Variants in TENM2 observed in about 807,000 individuals in gnomAD.
The protein encoded by TENM2 is teneurin transmembrane protein 2.
TENM2 carries 52 observed loss-of-function variants against 245.2 expected under a neutral mutation model. That is an observed-to-expected ratio of 0.21 (90% CI 0.17 to 0.27). The LOEUF is 0.27. Ranked by LOEUF, TENM2 falls within the 10% of genes least tolerant of loss-of-function variation. The pLI, the probability that TENM2 is intolerant of heterozygous loss-of-function variation, is 1.00. For synonymous variants in TENM2, 1,363 were observed against 1,438.9 expected (o/e 0.95, Z 1.19); for missense variants, 3,046 against 3,666.8 (o/e 0.83, Z 4.37).
intron 25 of TENM2, among the ~76,000 whole-genome samples, chr5:168,238,204 A>G (rs1581728959): frequency 2.2e-5 from 1 of 44,734 alleles, no homozygotes; most frequent in South Asian, 1.2e-3. Flanking sequence ...GGAGGGAGGG[A>G]GGGAGGGAGG....
chr5:168,233,184 G>A (rs2152643368), intron 25 of TENM2, among the ~76,000 whole-genome samples: 2 of 152,262 alleles, frequency 1.3e-5, no homozygotes, highest in East Asian at 3.9e-4. Context: ...AAATCAGCTG[G>A]GTGTGGTGGC....
chr5:167,006,473 CTT>C, the TENM2 span, among the ~76,000 whole-genome samples: 1 of 152,014 alleles, frequency 6.6e-6, no homozygotes, highest in Non-Finnish European at 1.5e-5. Flanking sequence ...AAAGAAGAAA[CTT>C]TTAAAATCAG....
At chr5:167,295,721 G>C (rs75310830) in intron 1 of TENM2, among the ~76,000 whole-genome samples, 1 of 151,966 alleles carries the variant, frequency 6.6e-6, no homozygotes, top group Non-Finnish European at 1.5e-5. Context: ...GCGTGTACTC[G>C]AAATGAATAC....
At chr5:167,799,252 T>G (rs576986788) in intron 2 of TENM2, among the ~76,000 whole-genome samples, 22 of 152,220 alleles carry the variant, frequency 1.4e-4, no homozygotes, top group South Asian at 4.1e-4. Context: ...TACTTGAGAT[T>G]TTAAATGAAC....
chr5:167,036,704 G>A, the TENM2 span, among the ~76,000 whole-genome samples: 5 of 152,108 alleles, frequency 3.3e-5, no homozygotes, highest in African/African-American at 9.7e-5. Flanking sequence ...ACCAAATGAC[G>A]TTGGTGTTTA....
At chr5:168,189,921 A>AT (rs1369107277) in intron 13 of TENM2, among the ~76,000 whole-genome samples, 1 of 152,108 alleles carries the variant, frequency 6.6e-6, no homozygotes, top group South Asian at 2.1e-4. Context: ...AATTCCATGC[A>AT]TTTTGATTAC....
intron 1 of TENM2, among the ~76,000 whole-genome samples, chr5:167,338,868 AAGAG>A (rs900110468): frequency 2.6e-5 from 4 of 152,156 alleles, no homozygotes; most frequent in Non-Finnish European, 4.4e-5. Flanking sequence ...ACGTGACAGA[AAGAG>A]AGAGTTCTGG....
intron 2 of TENM2, among the ~76,000 whole-genome samples, chr5:167,861,326 G>C (rs1205293695): frequency 6.6e-6 from 1 of 152,196 alleles, no homozygotes; most frequent in African/African-American, 2.4e-5. Context: ...ACCACGGAGA[G>C]CGGTGCCGGG....
intron 2 of TENM2, among the ~76,000 whole-genome samples, chr5:167,382,809 A>G (rs1761169967): frequency 6.6e-6 from 1 of 152,146 alleles, no homozygotes. Context: ...TATTTTATGC[A>G]AGAAATAGAC....
At chr5:167,993,320 G>A (rs777464535) in intron 5 of TENM2, 138 bp downstream of exon 7, 1 of 657,810 alleles carries the variant, frequency 1.5e-6, no homozygotes. Flanking sequence ...AATGAGTGAT[G>A]GATGGAGGTG....
the TENM2 span, among the ~76,000 whole-genome samples, chr5:167,245,029 T>C: frequency 6.6e-6 from 1 of 152,188 alleles, no homozygotes; most frequent in Non-Finnish European, 1.5e-5. Context: ...ATAATCCTCA[T>C]CTAGCCCACT....
chr5:168,193,461 A>G (rs1273717911), intron 14 of TENM2, among the ~76,000 whole-genome samples: 1 of 152,262 alleles, frequency 6.6e-6, no homozygotes, highest in Non-Finnish European at 1.5e-5. Context: ...CATAAATAGA[A>G]ATGAACTGAT....
the TENM2 span, among the ~76,000 whole-genome samples, chr5:167,101,414 G>A: frequency 6.6e-6 from 1 of 152,082 alleles, no homozygotes; most frequent in African/African-American, 2.4e-5. Context: ...ATTATGGATG[G>A]TGCACAATAA....
At chr5:167,526,905 G>A (rs376767202) in intron 2 of TENM2, among the ~76,000 whole-genome samples, 1 of 152,096 alleles carries the variant, frequency 6.6e-6, no homozygotes, top group East Asian at 1.9e-4. Context: ...TGAAATATTC[G>A]TAGGTATATT....
At chr5:166,995,856 A>G in the TENM2 span, among the ~76,000 whole-genome samples, 1 of 149,982 alleles carries the variant, frequency 6.7e-6, no homozygotes, top group African/African-American at 2.5e-5. Flanking sequence ...CTGTTCTCTT[A>G]TAAATGAGGA....
At chr5:168,098,387 T>G (rs1793539993) in intron 9 of TENM2, among the ~76,000 whole-genome samples, 1 of 152,162 alleles carries the variant, frequency 6.6e-6, no homozygotes, top group African/African-American at 2.4e-5. Flanking sequence ...AAAAATGAGA[T>G]GGTCGGATTT....
chr5:167,096,161 G>A, the TENM2 span, among the ~76,000 whole-genome samples: 1 of 151,946 alleles, frequency 6.6e-6, no homozygotes, highest in Non-Finnish European at 1.5e-5. Flanking sequence ...ATATTTATGG[G>A]GTACAATGTG....
the TENM2 span, among the ~76,000 whole-genome samples, chr5:167,180,946 G>GAA: frequency 2.8e-5 from 4 of 144,304 alleles, no homozygotes; most frequent in African/African-American, 5.1e-5. Flanking sequence ...AGCTTTTATT[G>GAA]AAAAAAAAAA....
intron 2 of TENM2, among the ~76,000 whole-genome samples, chr5:167,614,521 T>A (rs962237936): frequency 2.0e-5 from 3 of 152,138 alleles, no homozygotes; most frequent in Admixed American, 2.0e-4. Context: ...ATAAGACAAG[T>A]GTAAAGTAGT....
Sources: gnomAD v4.1 joint callset for allele counts (sites outside exome capture counted in the v4.1 genomes callset) on GRCh38, gnomAD v4.1.1 for gene constraint, MANE v1.5 for transcripts, NCBI Gene and HGNC (gene_info 2026-07-23, HGNC 2026-07-21) for gene names.